The following HS6ST3 variants were observed in gnomAD, a reference collection of about 807,000 sequenced individuals.
HS6ST3 encodes heparan sulfate 6-O-sulfotransferase 3, also known as heparan-sulfate 6-O-sulfotransferase 3.
In HS6ST3, 12 loss-of-function variants were observed where a neutral mutation model predicts 36.7. The ratio of observed to expected loss-of-function variants is 0.33; its 90% CI spans 0.21 to 0.53. The LOEUF (loss-of-function observed/expected upper bound fraction) is 0.53. Ranked by LOEUF, HS6ST3 falls within the 20% of genes least tolerant of loss-of-function variation. HS6ST3 has a pLI of 0.95. For missense variants in HS6ST3, 584 were observed against 640.9 expected (o/e 0.91, Z 0.96); for synonymous variants, 240 against 257.5 (o/e 0.93, Z 0.65).
At chr13:96,789,720 A>G (rs766939430) in intron 1 of HS6ST3, among the ~76,000 whole-genome samples, 59 of 151,128 alleles carry the variant, frequency 3.9e-4, no homozygotes, top group Non-Finnish European at 6.4e-4. Context: ...TCAACATTTA[A>G]AAAATGTTGT....
intron 1 of HS6ST3, among the ~76,000 whole-genome samples, chr13:96,737,407 T>C (rs913613683): frequency 1.3e-5 from 2 of 151,112 alleles, no homozygotes; most frequent in South Asian, 4.2e-4. Flanking sequence ...GGGTGGATCA[T>C]GAGGTCAGGA....
chr13:96,410,594 A>T (rs764793680), intron 1 of HS6ST3, among the ~76,000 whole-genome samples: 3 of 152,170 alleles, frequency 2.0e-5, no homozygotes, highest in Non-Finnish European at 4.4e-5. Flanking sequence ...AAATGTCTAT[A>T]ATAGGGTAGT....
chr13:96,390,347 C>T (rs1028114066), intron 1 of HS6ST3, among the ~76,000 whole-genome samples: 3 of 152,192 alleles, frequency 2.0e-5, no homozygotes, highest in East Asian at 1.9e-4. Flanking sequence ...TAATCGACAA[C>T]GTGATGGGAC....
chr13:96,351,539 T>C (rs1290151113), intron 1 of HS6ST3, among the ~76,000 whole-genome samples: 1 of 152,132 alleles, frequency 6.6e-6, no homozygotes, highest in Admixed American at 6.5e-5. Context: ...CTTGAATTCC[T>C]GGGGTCAAGT....
chr13:96,352,332 A>G (rs893565093), intron 1 of HS6ST3, among the ~76,000 whole-genome samples: 8 of 152,200 alleles, frequency 5.3e-5, no homozygotes, highest in African/African-American at 1.9e-4. Flanking sequence ...GCCTGCTATC[A>G]TTTGAAGTCT....
intron 1 of HS6ST3, among the ~76,000 whole-genome samples, chr13:96,770,615 C>G (rs940760983): frequency 5.9e-5 from 9 of 152,108 alleles, no homozygotes; most frequent in African/African-American, 1.4e-4. Flanking sequence ...GGAAAAAAAA[C>G]TAGTAGATTC....
At chr13:96,182,640 T>G (rs1206037997) in intron 1 of HS6ST3, among the ~76,000 whole-genome samples, 1 of 152,228 alleles carries the variant, frequency 6.6e-6, no homozygotes, top group Admixed American at 6.5e-5. Context: ...GTACCTGTTA[T>G]GAACAAAGGC....
intron 1 of HS6ST3, among the ~76,000 whole-genome samples, chr13:96,663,772 A>G (rs912671550): frequency 2.6e-5 from 4 of 152,224 alleles, no homozygotes; most frequent in Non-Finnish European, 5.9e-5. Flanking sequence ...TGATATATCC[A>G]TTTAATTAAA....
At chr13:96,639,101 C>T (rs544236249) in intron 1 of HS6ST3, among the ~76,000 whole-genome samples, 322 of 152,016 alleles carry the variant, frequency 2.1e-3, no homozygotes, top group Middle Eastern at 6.8e-3. Context: ...TTCAAGATTT[C>T]TGTTTTATCT....
chr13:96,830,158 A>G (rs1025913646), intron 1 of HS6ST3, among the ~76,000 whole-genome samples: 1 of 152,160 alleles, frequency 6.6e-6, no homozygotes, highest in African/African-American at 2.4e-5. Flanking sequence ...ATTGTTGACT[A>G]ATACAAGTAT....
In HS6ST3 at chr13:96,482,713, T is replaced by G. The variant is rs34504264; in HGVS notation, c.708-349777T>G. Among the ~76,000 whole-genome samples the G allele has an allele frequency of 7.6e-3, 1,161 of 152,236 alleles. 6 individuals carry two copies. The highest frequency in any genetic ancestry group is 0.012 in the Non-Finnish European group (837 of 68,014). ...CAGTCAAACATTAAATATAAAGAAG[T>G]GGATAAGATAGAAATCTACGGAAGG... On this transcript the variant is annotated intron_variant, in intron 1 of 1. Coordinates refer to ENST00000376705, the MANE Select transcript of HS6ST3 (RefSeq NM_153456.4).
chr13:96,622,084 G>A (rs573794690), intron 1 of HS6ST3, among the ~76,000 whole-genome samples: 1 of 152,126 alleles, frequency 6.6e-6, no homozygotes, highest in Non-Finnish European at 1.5e-5. Context: ...GATAAATGTA[G>A]AATGTTGTGT....
chr13:96,111,412 A>G (rs2053867805), intron 1 of HS6ST3, among the ~76,000 whole-genome samples: 1 of 152,230 alleles, frequency 6.6e-6, no homozygotes, highest in Non-Finnish European at 1.5e-5. Flanking sequence ...GGAACAGAAT[A>G]ATGTGTGTGC....
chr13:96,266,100 G>T (rs2139385766), intron 1 of HS6ST3, among the ~76,000 whole-genome samples: 1 of 152,248 alleles, frequency 6.6e-6, no homozygotes, highest in African/African-American at 2.4e-5. Flanking sequence ...AAGTATGGAT[G>T]CAAGACGTTT....
chr13:96,605,015 G>A (rs890277576), intron 1 of HS6ST3, among the ~76,000 whole-genome samples: 1 of 151,992 alleles, frequency 6.6e-6, no homozygotes, highest in Non-Finnish European at 1.5e-5. Context: ...AAGGGAAGGG[G>A]CTTTAAAATA....
chr13:96,456,111 C>T (rs534545932), intron 1 of HS6ST3, among the ~76,000 whole-genome samples: 51 of 152,256 alleles, frequency 3.3e-4, no homozygotes, highest in African/African-American at 1.2e-3. Context: ...TCCAGGTAAA[C>T]TTTTAGAAGG....
At chr13:96,275,958 G>A (rs2054746465) in intron 1 of HS6ST3, among the ~76,000 whole-genome samples, 1 of 151,784 alleles carries the variant, frequency 6.6e-6, no homozygotes, top group Non-Finnish European at 1.5e-5. Flanking sequence ...CAGCCTGGGT[G>A]TAGAGTTGTG....
At chr13:96,333,798 C>G (rs2055085196) in intron 1 of HS6ST3, among the ~76,000 whole-genome samples, 1 of 152,140 alleles carries the variant, frequency 6.6e-6, no homozygotes, top group South Asian at 2.1e-4. Context: ...TTACTTACAG[C>G]TCCAATTGAA....
intron 1 of HS6ST3, among the ~76,000 whole-genome samples, chr13:96,439,531 G>A (rs989762979): frequency 6.6e-6 from 1 of 152,252 alleles, no homozygotes; most frequent in African/African-American, 2.4e-5. Flanking sequence ...GAACCTGGTT[G>A]TGTGTCGTTT....
Sources: allele counts gnomAD v4.1 joint callset (sites outside exome capture counted in the v4.1 genomes callset), GRCh38; gene constraint gnomAD v4.1.1; transcripts MANE v1.5; gene names NCBI Gene and HGNC (gene_info 2026-07-23, HGNC 2026-07-21).